NEDD4L: variants seen among roughly 807,000 people sequenced by gnomAD.
NEDD4L encodes E3 ubiquitin-protein ligase NEDD4-like.
NEDD4L carries 54 observed loss-of-function variants against 148.9 expected under a neutral mutation model. The observed-to-expected ratio is 0.36, with a 90% confidence interval of 0.29 to 0.45. NEDD4L has a LOEUF of 0.45. NEDD4L is among the 20% of genes least tolerant of loss of function. NEDD4L has a pLI of 1.00. For missense variants in NEDD4L, 856 were observed against 1,233.8 expected (o/e 0.69, Z 4.59); for synonymous variants, 433 against 440.7 (o/e 0.98, Z 0.22).
chr18:58,353,820 T>C (rs2044235927), intron 18 of NEDD4L, among the ~76,000 whole-genome samples: 1 of 152,210 alleles, frequency 6.6e-6, no homozygotes, highest in Non-Finnish European at 1.5e-5. Flanking sequence ...GGAACCAGGT[T>C]ATGCCCACGT....
At chr18:58,099,974 A>G (rs1017081306) in intron 1 of NEDD4L, among the ~76,000 whole-genome samples, 1 of 152,196 alleles carries the variant, frequency 6.6e-6, no homozygotes, top group South Asian at 2.1e-4. Context: ...AGGTCCCCCA[A>G]AATGAAAGTG....
rs371612571 is a variant in NEDD4L, at chr18:58,366,076, C to T, written c.1911C>T (p.Ser637=). The change falls in exon 21 of 31, where the codon TCC becomes TCT. Residue 637 remains serine (S), a synonymous_variant. Coordinates refer to ENST00000400345, the MANE Select transcript of NEDD4L (RefSeq NM_001144967.3). The surrounding 1 kb of genome is among the most constrained non-coding windows in gnomAD (Gnocchi z 4.2). ...IFEESYRRIM[S]VKRPDVLKAR... ...AAGAGTCCTATCGGAGAATTATGTC[C>T]GTGAAAAGACCAGATGTCCTAAAAG... The T allele has an allele frequency of 1.2e-4, 192 of 1,613,246 alleles. No individual in the cohort carries two copies. The African/African-American group carries it at 1.8e-3, about 15-fold the overall frequency.
chr18:58,221,337 G>A (rs1243552505), intron 2 of NEDD4L, among the ~76,000 whole-genome samples: 1 of 152,180 alleles, frequency 6.6e-6, no homozygotes, highest in African/African-American at 2.4e-5. Context: ...CCCATCCTGT[G>A]TGGAAGCCCA....
At chr18:58,081,831 T>C (rs1281193344) in intron 1 of NEDD4L, among the ~76,000 whole-genome samples, 1 of 152,078 alleles carries the variant, frequency 6.6e-6, no homozygotes, top group African/African-American at 2.4e-5. Context: ...TCCAGGCAGT[T>C]TCTCCATAAC....
chr18:58,120,849 TC>T (rs556332213), intron 1 of NEDD4L, among the ~76,000 whole-genome samples: 4 of 151,600 alleles, frequency 2.6e-5, no homozygotes, highest in African/African-American at 9.7e-5. Flanking sequence ...ACAGATGTAA[TC>T]CCCCCCTCAC....
intron 19 of NEDD4L, chr18:58,360,081 G>A (rs1259617777): frequency 9.2e-5 from 14 of 152,152 alleles, no homozygotes; most frequent in African/African-American, 2.2e-4. Context: ...TCTCATTGTC[G>A]TTTCTGTGTA....
chr18:58,383,212 G>A, intron 24 of NEDD4L, 34 bp from the exon 25 acceptor site: 1 of 1,079,208 alleles, frequency 9.3e-7, no homozygotes, highest in Non-Finnish European at 1.4e-6. Flanking sequence ...ATAACTTCGT[G>A]ATAGTAATTG....
chr18:58,072,545 A>T (rs963234253), intron 1 of NEDD4L, among the ~76,000 whole-genome samples: 1 of 152,218 alleles, frequency 6.6e-6, no homozygotes, highest in African/African-American at 2.4e-5. Context: ...TTCTTGATGA[A>T]AACTATCAAC....
intron 1 of NEDD4L, among the ~76,000 whole-genome samples, chr18:58,087,860 G>A (rs146290150): frequency 6.6e-6 from 1 of 152,304 alleles, no homozygotes; most frequent in East Asian, 1.9e-4. Flanking sequence ...GACAGCAAGA[G>A]TGAAACTCCA....
At chr18:58,056,416 G>A (rs766772673) in intron 1 of NEDD4L, among the ~76,000 whole-genome samples, 10 of 152,158 alleles carry the variant, frequency 6.6e-5, no homozygotes, top group Non-Finnish European at 1.2e-4. Flanking sequence ...CAGCTATGAT[G>A]TCTCAATTAG....
intron 2 of NEDD4L, among the ~76,000 whole-genome samples, chr18:58,168,598 A>G (rs1161351011): frequency 6.6e-6 from 1 of 152,170 alleles, no homozygotes; most frequent in Admixed American, 6.5e-5. Context: ...TCTCCTTCAG[A>G]GCCCTGGGCC....
At chr18:58,060,640 A>G (rs2082290751) in intron 1 of NEDD4L, among the ~76,000 whole-genome samples, 1 of 152,204 alleles carries the variant, frequency 6.6e-6, no homozygotes, top group African/African-American at 2.4e-5. Context: ...GTTTCTTCAG[A>G]GGACTAGGTA....
chr18:58,122,241 T>C (rs1213594155), intron 1 of NEDD4L, among the ~76,000 whole-genome samples: 1 of 152,272 alleles, frequency 6.6e-6, no homozygotes, highest in Non-Finnish European at 1.5e-5. Context: ...GGCTCACGCC[T>C]GTAATCCCAG....
At chr18:58,313,614 C>A (rs889069326) in intron 5 of NEDD4L, among the ~76,000 whole-genome samples, 4 of 152,194 alleles carry the variant, frequency 2.6e-5, no homozygotes, top group African/African-American at 7.2e-5. Context: ...TGGCCACATA[C>A]CTCTCTGGCT....
At position 58,044,667 on chromosome 18, in the gene NEDD4L, A is replaced by G; in HGVS notation, c.7A>G (p.Thr3Ala). The change falls in exon 1 of 31, where the codon ACC (threonine) becomes GCC (alanine). Residue 3 changes from threonine (T) to alanine (A), a missense_variant. Around this residue, in one of 4 missense-constraint regions of NEDD4L, gnomAD observed 193 missense variants for 244.2 expected, o/e 0.79. Coordinates refer to ENST00000400345, the MANE Select transcript of NEDD4L (RefSeq NM_001144967.3). ...CGCGCGGGGCGCCGGCTCCATGGCG[A>G]CCGGGCTCGGGGAGCCGGTCTATGG... MA[T>A]GLGEPVYGLS... 2 of 1,601,490 alleles carry G rather than the reference A, an allele frequency of 1.2e-6. No homozygotes were observed. The highest frequency in any genetic ancestry group is 1.7e-6 in the Non-Finnish European group (2 of 1,174,480).
At chr18:58,383,417 A>G in intron 25 of NEDD4L, 98 bp downstream of exon 25, 1 of 713,578 alleles carries the variant, frequency 1.4e-6, no homozygotes. Context: ...TATTATGGGC[A>G]TGAGTTTATT....
chr18:58,220,591 T>C lies in NEDD4L; in HGVS notation c.123-24836T>C, dbSNP rs561883531. The stretch of plus-strand genomic sequence containing the variant: ...TTTGAACGCTGGGGGGAACTGCAAG[T>C]CTAGTTTACAGGGTTTCTCAGCTGA... On this transcript the variant is annotated intron_variant, in intron 2 of 30. Transcript: ENST00000400345. Among the ~76,000 whole-genome samples the C allele has an allele frequency of 6.6e-5, 10 of 152,248 alleles. No homozygotes were observed. The East Asian group carries it at 1.9e-3, about 29-fold the overall frequency.
intron 8 of NEDD4L, among the ~76,000 whole-genome samples, chr18:58,323,708 A>C (rs1229308062): frequency 6.6e-6 from 1 of 152,206 alleles, no homozygotes; most frequent in African/African-American, 2.4e-5. Context: ...AGGAATTTAG[A>C]AAATCACTTT....
At chr18:58,264,736 C>A (rs978330188) in intron 5 of NEDD4L, among the ~76,000 whole-genome samples, 1 of 151,996 alleles carries the variant, frequency 6.6e-6, no homozygotes, top group Admixed American at 6.6e-5. Context: ...AACTGTCGTG[C>A]TGAGGACATG....
Sources: allele counts gnomAD v4.1 joint callset (sites outside exome capture counted in the v4.1 genomes callset), GRCh38; gene constraint gnomAD v4.1.1; regional missense constraint gnomAD v4.1.1; non-coding constraint Gnocchi (gnomAD v3.1); transcripts MANE v1.5; gene names NCBI Gene and HGNC (gene_info 2026-07-23, HGNC 2026-07-21).